The following GPR158 variants were observed in gnomAD, a reference collection of about 807,000 sequenced individuals.
GPR158 encodes metabotropic glycine receptor.
GPR158 carries 30 observed loss-of-function variants against 78.2 expected under a neutral mutation model. The ratio of observed to expected loss-of-function variants is 0.38; its 90% CI spans 0.29 to 0.52. GPR158 has a LOEUF of 0.52. Ranked by LOEUF, GPR158 falls within the 20% of genes least tolerant of loss-of-function variation. GPR158 has a pLI of 0.83. For synonymous variants in GPR158, 581 were observed against 591.1 expected (o/e 0.98, Z 0.25); for missense variants, 1,463 against 1,523.5 (o/e 0.96, Z 0.66).
At chr10:25,366,235 G>A (rs2130541338) in intron 2 of GPR158, among the ~76,000 whole-genome samples, 1 of 151,588 alleles carries the variant, frequency 6.6e-6, no homozygotes, top group South Asian at 2.1e-4. Flanking sequence ...CTATCTTTCA[G>A]TTGGGTACAT....
intron 2 of GPR158, among the ~76,000 whole-genome samples, chr10:25,223,515 A>G (rs566310155): frequency 6.6e-6 from 1 of 152,300 alleles, no homozygotes; most frequent in East Asian, 1.9e-4. Context: ...CAGTGTAGTT[A>G]CTGGGAATAG....
chr10:25,250,572 C>T (rs1412825481), intron 2 of GPR158, among the ~76,000 whole-genome samples: 3 of 147,704 alleles, frequency 2.0e-5, no homozygotes, highest in Non-Finnish European at 4.4e-5. Flanking sequence ...CGTTATGTAC[C>T]CAGTAGTCAT....
chr10:25,228,003 A>C (rs568955714), intron 2 of GPR158, among the ~76,000 whole-genome samples: 241 of 152,308 alleles, frequency 1.6e-3, no homozygotes, highest in Middle Eastern at 3.4e-3. Context: ...AATATGGTAA[A>C]AATGTGTCAT....
intron 9 of GPR158, among the ~76,000 whole-genome samples, chr10:25,595,975 A>G (rs1259993750): frequency 6.6e-6 from 1 of 152,200 alleles, no homozygotes; most frequent in Non-Finnish European, 1.5e-5. Context: ...AGAATAAGAG[A>G]AATGAACAGA....
In GPR158 at chr10:25,362,400, A is replaced by T. The variant is rs575278529; in HGVS notation, c.1009-33511A>T. On this transcript the variant is annotated intron_variant, in intron 2 of 10. Transcript: ENST00000376351. ...AAATCAGGAAGTATGAATTCTCTAA[A>T]TTTTTTTTTCTTCAATATTTTCTTG... Among the ~76,000 whole-genome samples, 28 of 151,170 alleles carry T rather than the reference A, an allele frequency of 1.9e-4. No homozygotes were observed. The East Asian group carries it at 3.1e-3, about 17-fold the overall frequency.
intron 5 of GPR158, among the ~76,000 whole-genome samples, chr10:25,524,973 T>G (rs1836328464): frequency 6.6e-6 from 1 of 152,132 alleles, no homozygotes; most frequent in Non-Finnish European, 1.5e-5. Flanking sequence ...GAATAGACAG[T>G]TCTCTGGAGA....
rs190706609 is a variant in GPR158, at chr10:25,257,175, C to T, written c.1008+36018C>T. On this transcript the variant is annotated intron_variant, in intron 2 of 10. Coordinates refer to ENST00000376351, the MANE Select transcript of GPR158 (RefSeq NM_020752.3). ...GAAAGGGAGAAGATGGAAGCAAGTA[C>T]GTGAGACAGAGAAATGGGCTGAACT... 6.8e-4 allele frequency among the ~76,000 whole-genome samples: 103 copies of T among 152,246 alleles called. 1 individual carries two copies. Among genetic ancestry groups the T allele is most frequent in the African/African-American group, 2.1e-3 (88 of 41,534 alleles).
chr10:25,446,989 C>T (rs927552074), intron 4 of GPR158, among the ~76,000 whole-genome samples: 21 of 151,988 alleles, frequency 1.4e-4, no homozygotes, highest in Non-Finnish European at 2.1e-4. Context: ...CAGATAAAGG[C>T]GTTATCTGAG....
At chr10:25,329,396 C>T (rs367956225) in intron 2 of GPR158, among the ~76,000 whole-genome samples, 9 of 151,154 alleles carry the variant, frequency 6.0e-5, no homozygotes, top group Admixed American at 1.3e-4. Context: ...GCGGAGATCG[C>T]GCCACTGCAC....
At chr10:25,246,732 C>A (rs990671410) in intron 2 of GPR158, among the ~76,000 whole-genome samples, 22 of 152,158 alleles carry the variant, frequency 1.4e-4, no homozygotes, top group African/African-American at 5.3e-4. Context: ...TTAATAATGA[C>A]TCCTTCAGAA....
In GPR158 at chr10:25,599,521, A is replaced by G. The variant is rs918435046; in HGVS notation, c.*247A>G. On this transcript the variant is annotated 3_prime_UTR_variant, in exon 11 of 11. Coordinates refer to ENST00000376351, the MANE Select transcript of GPR158 (RefSeq NM_020752.3). ...ACTAGGAAAATCTTTCCATTTCAGCATGTTTAAGGAAAATAGCCCACAATG... is the reference window on the plus strand; with the variant it reads ...ACTAGGAAAATCTTTCCATTTCAGCGTGTTTAAGGAAAATAGCCCACAATG... 2 of 474,686 alleles carry G rather than the reference A, an allele frequency of 4.2e-6. No homozygotes were observed. Among genetic ancestry groups the G allele is most frequent in the African/African-American group, 3.9e-5 (2 of 51,350 alleles). 29.4% of individuals were successfully genotyped at this position (474,686 alleles called of 1,614,324 possible).
At chr10:25,450,391 TTTTTTTTTA>T (rs66875857) in intron 4 of GPR158, among the ~76,000 whole-genome samples, 50,606 of 117,870 alleles carry the variant, frequency 0.43, 10,364 homozygotes, top group East Asian at 0.55. Flanking sequence ...TTTTTTTTTT[TTTTTTTTTA>T]AACCTTAAAT....
rs56205437 is a variant in GPR158 at position 25,189,834 on chromosome 10, A to ATGTGTGTG, written c.902+13544_902+13551dup. ...AAAAAAAGAGAAAAGAAAGGAAAGCATGTGTGTGTGTGTGTGTGTGTGTGT... is the reference window on the plus strand; with the variant it reads ...AAAAAAAGAGAAAAGAAAGGAAAGCATGTGTGTGTGTGTGTGTGTGTGTGTGTGTGTGT... On this transcript the variant is annotated intron_variant, in intron 1 of 10. Transcript: ENST00000376351. 1.9e-3 allele frequency among the ~76,000 whole-genome samples: 228 copies of ATGTGTGTG among 120,538 alleles called. 4 individuals carry two copies. The highest frequency in any genetic ancestry group is 5.4e-3 in the African/African-American group (167 of 30,744). The allele number at this position is 120,538 out of a possible 152,430, so 79.1% of individuals were successfully genotyped here.
chr10:25,598,986 G>GC lies in GPR158; in HGVS notation c.3366dup (p.Lys1123GlnfsTer10), dbSNP rs771672605. 2 of 1,614,016 alleles carry GC rather than the reference G, an allele frequency of 1.2e-6. No individual in the cohort carries two copies. Among genetic ancestry groups the GC allele is most frequent in the African/African-American group, 2.7e-5 (2 of 74,916 alleles). ...TGTGTGCTGGGCAGAGCGAAGAACTGCCCCCCAAAGCTGTAGCATCAAAAA... is the reference window on the plus strand; with the variant it reads ...TGTGTGCTGGGCAGAGCGAAGAACTGCCCCCCCAAAGCTGTAGCATCAAAAA... On this transcript the variant is annotated frameshift_variant, in exon 11 of 11. Transcript: ENST00000376351. LOFTEE classifies it low-confidence loss of function (END_TRUNC).
At chr10:25,298,948 T>G (rs1588783629) in intron 2 of GPR158, among the ~76,000 whole-genome samples, 1 of 152,210 alleles carries the variant, frequency 6.6e-6, no homozygotes, top group Non-Finnish European at 1.5e-5. Context: ...ACTTAATTTC[T>G]TTACCTGAAG....
intron 5 of GPR158, among the ~76,000 whole-genome samples, chr10:25,509,674 A>T (rs1184713878): frequency 6.6e-6 from 1 of 152,142 alleles, no homozygotes; most frequent in Non-Finnish European, 1.5e-5. Flanking sequence ...ATCCAAGGAG[A>T]ACACAACCAG....
intron 2 of GPR158, among the ~76,000 whole-genome samples, chr10:25,290,479 G>A (rs1223330107): frequency 3.3e-5 from 5 of 152,100 alleles, no homozygotes; most frequent in Non-Finnish European, 7.4e-5. Context: ...CAATTCATAT[G>A]ATGGTTAAAC....
At chr10:25,421,327 G>C (rs916399212) in intron 4 of GPR158, among the ~76,000 whole-genome samples, 23 of 152,036 alleles carry the variant, frequency 1.5e-4, no homozygotes, top group African/African-American at 5.6e-4. Context: ...TTTGTACTTA[G>C]CAATTGATGT....
chr10:25,204,085 A>G, intron 1 of GPR158, among the ~76,000 whole-genome samples: 1 of 152,030 alleles, frequency 6.6e-6, no homozygotes, highest in Non-Finnish European at 1.5e-5. Context: ...AATGCTTGTG[A>G]TTTTTGCACA....
Sources: allele counts gnomAD v4.1 joint callset (sites outside exome capture counted in the v4.1 genomes callset), GRCh38; gene constraint gnomAD v4.1.1; transcripts MANE v1.5; gene names NCBI Gene and HGNC (gene_info 2026-07-23, HGNC 2026-07-21).